The following ACTN1 variants were observed in gnomAD, a reference collection of about 807,000 sequenced individuals.
The protein encoded by ACTN1 is alpha-actinin-1.
In ACTN1, 30 loss-of-function variants were observed where a neutral mutation model predicts 119.6. The ratio of observed to expected loss-of-function variants is 0.25; its 90% CI spans 0.19 to 0.34. The LOEUF is 0.34. Among genes scored for constraint, ACTN1 ranks in the 10% least tolerant of loss-of-function variants. The pLI, the probability that ACTN1 is intolerant of heterozygous loss-of-function variation, is 1.00. For missense variants in ACTN1, 764 were observed against 1,223.4 expected, an observed-to-expected ratio of 0.62 and a Z score of 5.60; for synonymous variants, 429 against 472.6, an observed-to-expected ratio of 0.91 and a Z score of 1.20.
At chr14:68,940,773 C>T (rs1204134401) in intron 1 of ACTN1, among the ~76,000 whole-genome samples, 2 of 152,068 alleles carry the variant, frequency 1.3e-5, no homozygotes, top group Non-Finnish European at 2.9e-5. Flanking sequence ...GCCTAGATTC[C>T]AAACCCCTGT....
intron 1 of ACTN1, among the ~76,000 whole-genome samples, chr14:68,937,817 C>T (rs1293160294): frequency 6.6e-6 from 1 of 152,264 alleles, no homozygotes; most frequent in African/African-American, 2.4e-5. Flanking sequence ...CAGGCAAGCA[C>T]CCTGCCAGCC....
At chr14:68,927,503 C>T (rs894438371) in intron 1 of ACTN1, among the ~76,000 whole-genome samples, 4 of 152,172 alleles carry the variant, frequency 2.6e-5, no homozygotes, top group African/African-American at 9.7e-5. Context: ...ATTGGGCAGC[C>T]AGGTGAAGGA....
intron 7 of ACTN1, among the ~76,000 whole-genome samples, chr14:68,903,073 G>A (rs1244757565): frequency 2.6e-5 from 4 of 152,074 alleles, no homozygotes; most frequent in Non-Finnish European, 2.9e-5. Flanking sequence ...GGATGTATTC[G>A]GAAGTATGCA....
At chr14:68,886,912 T>C (rs920832983) in intron 11 of ACTN1, 3 of 153,302 alleles carry the variant, frequency 2.0e-5, no homozygotes, top group Non-Finnish European at 2.9e-5. Flanking sequence ...ACTGCCCTAC[T>C]GTGAGTTGCT....
Position 68,879,800 on chromosome 14 carries a change from G to A in ACTN1, c.2280+162C>T, listed in dbSNP as rs1468645235. 2 of 972,094 alleles carry A rather than the reference G, an allele frequency of 2.1e-6. No individual in the cohort carries two copies. Among genetic ancestry groups the A allele is most frequent in the Non-Finnish European group, 3.0e-6 (2 of 672,796 alleles). The allele number at this position is 972,094 out of a possible 1,614,324, so 60.2% of individuals were successfully genotyped here. A position where few individuals can be genotyped will look rare whatever the true frequency, so the allele number is the denominator to read the frequency against. On this transcript the variant is annotated intron_variant, in intron 18 of 21. Coordinates refer to ENST00000394419, the MANE Select transcript of ACTN1 (RefSeq NM_001130004.2). This position sits in a 1 kb window ranked among gnomAD's most constrained non-coding sequence, Gnocchi z 4.9. ...GGGGCACCAACACAGGTTTTCCAAG[G>A]CTGGTTTTGCAGGGTGCATTGAGTC...
intron 1 of ACTN1, among the ~76,000 whole-genome samples, chr14:68,959,585 CTT>C (rs2036458628): frequency 6.6e-6 from 1 of 152,190 alleles, no homozygotes; most frequent in Non-Finnish European, 1.5e-5. Context: ...AAACTAACCT[CTT>C]TTAATATTAG....
intron 1 of ACTN1, among the ~76,000 whole-genome samples, chr14:68,927,721 C>A (rs2035005003): frequency 1.3e-5 from 2 of 152,216 alleles, no homozygotes; most frequent in African/African-American, 2.4e-5. Context: ...GCTGCTGGCA[C>A]TGCAGGAGAT....
chr14:68,914,842 G>A (rs2140315164), intron 3 of ACTN1, among the ~76,000 whole-genome samples: 1 of 152,218 alleles, frequency 6.6e-6, no homozygotes, highest in South Asian at 2.1e-4. Context: ...TGTCAGCAAG[G>A]CCACCACACT....
At chr14:68,951,456 C>G (rs1884632) in intron 1 of ACTN1, among the ~76,000 whole-genome samples, 99,968 of 151,944 alleles carry the variant, frequency 0.66, 33,679 homozygotes, top group East Asian at 0.99. Context: ...ACAGGGCCTT[C>G]TCTTTCTAAC....
chr14:68,915,099 C>T (rs2034214085), intron 3 of ACTN1, among the ~76,000 whole-genome samples: 1 of 152,178 alleles, frequency 6.6e-6, no homozygotes, highest in African/African-American at 2.4e-5. Flanking sequence ...CAAAGGTACA[C>T]AGTACACAGA....
At chr14:68,976,368 A>G (rs904563497) in intron 1 of ACTN1, among the ~76,000 whole-genome samples, 8 of 152,168 alleles carry the variant, frequency 5.3e-5, no homozygotes, top group African/African-American at 1.4e-4. Flanking sequence ...GTCAGTAGAA[A>G]GAGTGTCAAA....
intron 1 of ACTN1, among the ~76,000 whole-genome samples, chr14:68,942,962 C>A (rs1033054909): frequency 1.3e-5 from 2 of 152,110 alleles, no homozygotes; most frequent in African/African-American, 4.8e-5. Context: ...GACGGAGGAG[C>A]CTAACGACCT....
chr14:68,947,002 T>C (rs536808226), intron 1 of ACTN1, among the ~76,000 whole-genome samples: 2 of 152,288 alleles, frequency 1.3e-5, no homozygotes, highest in Admixed American at 1.3e-4. Context: ...GGGGCCATAC[T>C]TGTCTCATTC....
At chr14:68,967,715 A>AG (rs1363027909) in intron 1 of ACTN1, among the ~76,000 whole-genome samples, 1 of 152,234 alleles carries the variant, frequency 6.6e-6, no homozygotes. Context: ...AGGCAAGAGG[A>AG]GGGAAATCAG....
intron 16 of ACTN1, among the ~76,000 whole-genome samples, chr14:68,881,341 G>A (rs1594753914): frequency 6.6e-6 from 1 of 151,946 alleles, no homozygotes; most frequent in African/African-American, 2.4e-5. Flanking sequence ...TCCATCTCAG[G>A]GACCCACTGA....
At chr14:68,928,357 C>A (rs2035032930) in intron 1 of ACTN1, among the ~76,000 whole-genome samples, 1 of 152,130 alleles carries the variant, frequency 6.6e-6, no homozygotes, top group African/African-American at 2.4e-5. Context: ...TTTACTAAAA[C>A]CCCCAATCCT....
At chr14:68,898,103 C>G (rs2033007871) in intron 8 of ACTN1, among the ~76,000 whole-genome samples, 4 of 152,250 alleles carry the variant, frequency 2.6e-5, no homozygotes, top group Admixed American at 2.6e-4. Context: ...GGGCACTGGT[C>G]AGACCGCAGC....
rs985823869 is a variant in ACTN1 at position 68,882,650 on chromosome 14, A to G, written c.1819-58T>C. On this transcript the variant is annotated intron_variant, in intron 15 of 21. Transcript: ENST00000394419. This position sits in a 1 kb window ranked among gnomAD's most constrained non-coding sequence, Gnocchi z 4.5. ...TGGGTCAGCCATCTGTCCATGTGCC[A>G]GATGAGGAAATGGAGGACCCAGAAG... is the stretch of plus-strand genomic sequence containing the variant. 109 of 1,604,722 alleles carry G rather than the reference A, an allele frequency of 6.8e-5. No homozygotes were observed. The highest frequency in any genetic ancestry group is 3.3e-4 in the Middle Eastern group (2 of 6,058).
Position 68,892,073 on chromosome 14 carries a change from A to G in ACTN1, c.1066T>C (p.Ser356Pro), listed in dbSNP as rs750563276. 5 of 1,612,786 alleles carry G rather than the reference A, an allele frequency of 3.1e-6. No individual in the cohort carries two copies. The South Asian group carries it at 4.4e-5, about 14-fold the overall frequency. ...CTCACCGAGACCATCCTGCCCTCAG[A>G]GGGCATGAAGGCAGGCCGGTTGCTG... Reference protein sequence around the residue: ...RLSNRPAFMPSEGRMVSDINN... With the variant: ...RLSNRPAFMPPEGRMVSDINN... Residue 356 changes from serine to proline, a missense_variant, in exon 10 of 22, where the codon TCT (serine) becomes CCT (proline). Physicochemically the swap from Ser to Pro is moderately conservative, Grantham distance 74. Around this residue, in one of 4 missense-constraint regions of ACTN1, gnomAD observed 544 missense variants for 912.0 expected, o/e 0.60. Coordinates refer to ENST00000394419, the MANE Select transcript of ACTN1 (RefSeq NM_001130004.2).
Sources: allele counts gnomAD v4.1 joint callset (sites outside exome capture counted in the v4.1 genomes callset), GRCh38; gene constraint gnomAD v4.1.1; regional missense constraint gnomAD v4.1.1; non-coding constraint Gnocchi (gnomAD v3.1); transcripts MANE v1.5; gene names NCBI Gene and HGNC (gene_info 2026-07-23, HGNC 2026-07-21).